Variants in PARP4 observed in about 807,000 individuals in gnomAD.
PARP4 encodes protein mono-ADP-ribosyltransferase PARP4.
PARP4 carries 120 observed loss-of-function variants against 187.7 expected under a neutral mutation model. The observed-to-expected ratio is 0.64, with a 90% CI of 0.55 to 0.74. The LOEUF (loss-of-function observed/expected upper bound fraction) is 0.74. Among genes scored for constraint, PARP4 ranks in the 30% least tolerant of loss-of-function variants. PARP4 has a pLI of 0.00. For missense variants in PARP4, 1,836 were observed against 2,070.5 expected (o/e 0.89, Z 2.20); for synonymous variants, 654 against 740.9 (o/e 0.88, Z 1.90).
intron 10 of PARP4, among the ~76,000 whole-genome samples, chr13:24,488,529 T>C (rs1847852049): frequency 6.6e-6 from 1 of 151,654 alleles, no homozygotes; most frequent in African/African-American, 2.4e-5. Context: ...AATTTTTGTA[T>C]TTTTAGTTGA....
At chr13:24,440,419 T>TA (rs71070698) in intron 30 of PARP4, among the ~76,000 whole-genome samples, 41,291 of 125,942 alleles carry the variant, frequency 0.33, 6,491 homozygotes, top group Non-Finnish European at 0.37. Context: ...AAATTAAAAT[T>TA]AAAAAAAAAA....
chr13:24,484,190 T>C (rs1272414492), intron 12 of PARP4, among the ~76,000 whole-genome samples: 1 of 151,996 alleles, frequency 6.6e-6, no homozygotes, highest in Non-Finnish European at 1.5e-5. Context: ...GTACATGGGG[T>C]TCTTCTCACT....
chr13:24,449,090 C>T, intron 25 of PARP4, among the ~76,000 whole-genome samples: 1 of 152,090 alleles, frequency 6.6e-6, no homozygotes, highest in Non-Finnish European at 1.5e-5. Flanking sequence ...AATTGTACAC[C>T]TAAAAATGGT....
chr13:24,452,439 C>T lies in PARP4; in HGVS notation c.2981G>A (p.Arg994His), dbSNP rs748738461. ...GCAGGCGAATAACCTGGTGTGCGGG[C>T]GGCTCCTCTTCACGAGCTGTAATGT... ...SLTLQLVKRSRPHTRLFACGI... is the reference protein window; with the variant it reads ...SLTLQLVKRSHPHTRLFACGI... The change falls in exon 24 of 34, where the codon CGC becomes CAC. Residue 994 changes from arginine to histidine, a missense_variant. By Grantham distance (29) the Arg-to-His change is conservative. Coordinates refer to ENST00000381989, the MANE Select transcript of PARP4 (RefSeq NM_006437.4). 111 of 1,613,628 alleles carry T rather than the reference C, an allele frequency of 6.9e-5. 1 individual carries two copies. In the South Asian group the frequency reaches 9.3e-4, roughly 14 times the overall value.
intron 20 of PARP4, among the ~76,000 whole-genome samples, chr13:24,457,793 A>AAAAAAAAAAAAAAAG (rs1566000254): frequency 6.7e-6 from 1 of 148,514 alleles, no homozygotes; most frequent in African/African-American, 2.5e-5. Flanking sequence ...AAAAAAAAAA[A>AAAAAAAAAAAAAAAG]AAAGAAAAAA....
chr13:24,506,392 G>A (rs908811035), intron 1 of PARP4, among the ~76,000 whole-genome samples: 1 of 152,128 alleles, frequency 6.6e-6, no homozygotes, highest in African/African-American at 2.4e-5. Context: ...CCACAGCGTG[G>A]AAGAGGACCC....
rs768352917 is a variant in PARP4, at chr13:24,431,442, A to G, written c.4781T>C (p.Leu1594Pro). 6.3e-7 allele frequency: 1 copy of G among 1,599,340 alleles called. No homozygotes were observed. The highest frequency in any genetic ancestry group is 1.3e-5 in the African/African-American group (1 of 74,218). The change falls in exon 32 of 34, where the codon CTT (leucine) becomes CCT (proline). Residue 1594 changes from leucine (L) to proline (P), a missense_variant. Physicochemically the swap from Leu to Pro is moderately conservative, Grantham distance 98. Coordinates refer to ENST00000381989, the MANE Select transcript of PARP4 (RefSeq NM_006437.4). The part of the protein sequence containing the change: ...GFWKLTPELG[L>P]ILNLNTNGLH... ...ACCATTTGTATTAAGATTTAATATA[A>G]GTCCCAGTTCTGGTGTAAGTTTCCA... is the stretch of plus-strand genomic sequence containing the variant.
chr13:24,459,411 A>G, intron 18 of PARP4, 101 bp from the exon 19 acceptor site: 1 of 1,125,304 alleles, frequency 8.9e-7, no homozygotes, highest in Non-Finnish European at 1.2e-6. Flanking sequence ...TGTCAGCAAG[A>G]CAGCTGGTTT....
chr13:24,477,996 T>C, intron 13 of PARP4, 97 bp downstream of exon 13: 1 of 1,089,938 alleles, frequency 9.2e-7, no homozygotes, highest in Non-Finnish European at 1.3e-6. Flanking sequence ...AACAATTATT[T>C]AAACTTAAGC....
chr13:24,490,900 C>T (rs1185843966), intron 9 of PARP4, 72 bp from the exon 10 acceptor site: 1 of 1,316,310 alleles, frequency 7.6e-7, no homozygotes, highest in South Asian at 1.3e-5. Context: ...CACATTAACA[C>T]TTTCTCAAAA....
intron 9 of PARP4, 62 bp downstream of exon 9, chr13:24,492,359 C>A (rs1216250829): frequency 2.5e-6 from 3 of 1,212,164 alleles, no homozygotes; most frequent in Non-Finnish European, 2.3e-6. Context: ...CATCAGATTT[C>A]TAAAGACCCC....
chr13:24,502,077 A>T (rs970368896), intron 2 of PARP4, among the ~76,000 whole-genome samples: 31 of 152,236 alleles, frequency 2.0e-4, no homozygotes, highest in African/African-American at 7.5e-4. Flanking sequence ...GTTATTTCTA[A>T]ATTTTCATTA....
At chr13:24,497,152 T>C (rs1293214907) in intron 6 of PARP4, among the ~76,000 whole-genome samples, 1 of 152,212 alleles carries the variant, frequency 6.6e-6, no homozygotes, top group Admixed American at 6.5e-5. Context: ...TGTTTCATGA[T>C]TGTTTTAGAT....
chr13:24,455,502 T>C (rs1220693744), intron 21 of PARP4, among the ~76,000 whole-genome samples: 4 of 140,086 alleles, frequency 2.9e-5, no homozygotes, highest in African/African-American at 1.1e-4. Flanking sequence ...TATATATATA[T>C]ATATCACACT....
At position 24,494,736 on chromosome 13, in the gene PARP4, T is replaced by G; in HGVS notation, c.592-14A>C. ...CTGTCTTCTAGTCTGTGAATTATGG[T>G]GTATAGCAAAAGTACAGTCATTATT... On this transcript the variant is annotated splice_polypyrimidine_tract_variant and intron_variant, in intron 6 of 33. Coordinates refer to ENST00000381989, the MANE Select transcript of PARP4 (RefSeq NM_006437.4). 6.3e-7 allele frequency: 1 copy of G among 1,576,256 alleles called. No homozygotes were observed. Among genetic ancestry groups the G allele is most frequent in the Non-Finnish European group, 8.6e-7 (1 of 1,156,674 alleles).
Position 24,452,845 on chromosome 13 carries a change from A to C in PARP4, c.2827-252T>G, listed in dbSNP as rs146305568. Among the ~76,000 whole-genome samples, 24 of 152,358 alleles carry C rather than the reference A, an allele frequency of 1.6e-4. No individual in the cohort carries two copies. The East Asian group carries it at 4.0e-3, about 26-fold the overall frequency. ...AGGACTATGACATCTACAGGAAGAA[A>C]TGTCCCATCCAATCAGCCCTGGATT... is the stretch of plus-strand genomic sequence containing the variant. On this transcript the variant is annotated intron_variant, in intron 23 of 33. Transcript: ENST00000381989.
intron 17 of PARP4, among the ~76,000 whole-genome samples, chr13:24,464,498 T>C (rs920172890): frequency 2.0e-5 from 3 of 151,980 alleles, no homozygotes; most frequent in African/African-American, 4.8e-5. Context: ...ACACCACACA[T>C]CTACAACTGT....
chr13:24,459,523 CTG>C lies in PARP4; in HGVS notation c.2299-215_2299-214del, dbSNP rs1031159569. On this transcript the variant is annotated intron_variant, in intron 18 of 33. Coordinates refer to ENST00000381989, the MANE Select transcript of PARP4 (RefSeq NM_006437.4). ...CAGAGATTTTAAACTCTACATATGT[CTG>C]TGTGTATACACACACACACACGCAC... The C allele has an allele frequency of 3.2e-5, 12 of 378,184 alleles. 1 individual carries two copies. The highest frequency in any genetic ancestry group is 6.0e-5 in the Admixed American group (1 of 16,698). 23.4% of individuals were successfully genotyped at this position (378,184 alleles called of 1,614,324 possible). A position where few individuals can be genotyped will look rare whatever the true frequency, so the allele number is the denominator to read the frequency against.
Position 24,499,854 on chromosome 13 carries a change from A to G in PARP4, c.401+462T>C. ...CACTATTATTAACAAATACAACAAGATTGAATGTGATGCCTAATTAACCCG... is the reference window on the plus strand; with the variant it reads ...CACTATTATTAACAAATACAACAAGGTTGAATGTGATGCCTAATTAACCCG... On this transcript the variant is annotated intron_variant, in intron 4 of 33. Coordinates refer to ENST00000381989, the MANE Select transcript of PARP4 (RefSeq NM_006437.4). 1.3e-5 allele frequency among the ~76,000 whole-genome samples: 2 copies of G among 152,154 alleles called. 1 individual carries two copies. Among genetic ancestry groups the G allele is most frequent in the East Asian group, 3.9e-4 (2 of 5,194 alleles).
Sources: gnomAD v4.1 joint callset for allele counts (sites outside exome capture counted in the v4.1 genomes callset) on GRCh38, gnomAD v4.1.1 for gene constraint, MANE v1.5 for transcripts, NCBI Gene and HGNC (gene_info 2026-07-23, HGNC 2026-07-21) for gene names.